ZNRF2: variants seen among roughly 807,000 people sequenced by gnomAD.
ZNRF2 encodes E3 ubiquitin-protein ligase ZNRF2.
Under a neutral mutation model 20.4 loss-of-function variants are expected in ZNRF2, and 16 were observed. That is an observed-to-expected ratio of 0.79 (90% confidence interval 0.53 to 1.19). ZNRF2 has a LOEUF of 1.19. Ranked by LOEUF, ZNRF2 falls within the 50% of genes most tolerant of loss-of-function variation. The probability of loss-of-function intolerance (pLI) is 0.00; values close to 1 mark genes in which losing one functional copy is unlikely to be tolerated. For missense variants in ZNRF2, 363 were observed against 332.4 expected (o/e 1.09, Z -0.72); for synonymous variants, 178 against 144.9 (o/e 1.23, Z -1.64).
intron 1 of ZNRF2, among the ~76,000 whole-genome samples, chr7:30,290,064 T>C (rs558109044): frequency 7.4e-4 from 113 of 152,326 alleles, no homozygotes; most frequent in African/African-American, 2.5e-3. Flanking sequence ...ATTGGGTATA[T>C]TGGCAAATGT....
intron 1 of ZNRF2, among the ~76,000 whole-genome samples, chr7:30,322,595 C>T (rs944371726): frequency 6.6e-6 from 1 of 152,030 alleles, no homozygotes; most frequent in South Asian, 2.1e-4. Context: ...CTTTTACTTA[C>T]TTTTGACCTT....
intron 1 of ZNRF2, among the ~76,000 whole-genome samples, chr7:30,313,746 A>G (rs1249763741): frequency 1.3e-5 from 2 of 151,972 alleles, no homozygotes; most frequent in Admixed American, 6.6e-5. Flanking sequence ...AGTGAAGAAT[A>G]AAAAACTACT....
intron 2 of ZNRF2, among the ~76,000 whole-genome samples, chr7:30,347,167 C>T (rs1799891745): frequency 6.6e-6 from 1 of 152,106 alleles, no homozygotes; most frequent in Non-Finnish European, 1.5e-5. Flanking sequence ...TGATCTTTCT[C>T]AGTTATATAA....
intron 1 of ZNRF2, among the ~76,000 whole-genome samples, chr7:30,298,405 A>G (rs1347934965): frequency 3.3e-5 from 5 of 152,208 alleles, no homozygotes; most frequent in African/African-American, 7.2e-5. Flanking sequence ...AGTGGGGGGC[A>G]CTAAAAAGCA....
intron 1 of ZNRF2, among the ~76,000 whole-genome samples, chr7:30,322,729 C>A (rs1799492314): frequency 6.6e-6 from 1 of 151,934 alleles, no homozygotes; most frequent in Non-Finnish European, 1.5e-5. Flanking sequence ...TTGTGCCTAG[C>A]CAAACTATAA....
chr7:30,299,776 C>CTTTTT (rs34591785), intron 1 of ZNRF2, among the ~76,000 whole-genome samples: 2 of 123,324 alleles, frequency 1.6e-5, no homozygotes, highest in South Asian at 2.5e-4. Context: ...CTAAAACCTG[C>CTTTTT]TTTTTTTTTT....
At chr7:30,314,384 G>C (rs1474449589) in intron 1 of ZNRF2, among the ~76,000 whole-genome samples, 1 of 152,090 alleles carries the variant, frequency 6.6e-6, no homozygotes, top group African/African-American at 2.4e-5. Context: ...CTCTGTCAGT[G>C]GTGGCCCACT....
At chr7:30,353,809 A>T (rs1183774243) in intron 2 of ZNRF2, among the ~76,000 whole-genome samples, 1 of 152,078 alleles carries the variant, frequency 6.6e-6, no homozygotes. Flanking sequence ...TTTAGGTTTG[A>T]TAAAAAGTGG....
chr7:30,296,394 A>G lies in ZNRF2; in HGVS notation c.469+10568A>G, dbSNP rs1273054238. Among the ~76,000 whole-genome samples, 5 of 152,180 alleles carry G rather than the reference A, an allele frequency of 3.3e-5. No homozygotes were observed. The South Asian group carries it at 6.2e-4, about 19-fold the overall frequency. On this transcript the variant is annotated intron_variant, in intron 1 of 4. Transcript: ENST00000323037. ...TGGGCGGTTGGAGATGGTTGGAAGG[A>G]TGGTTGATAAGGTAGGTCAGTGTTT...
chr7:30,320,803 A>G (rs1431305778), intron 1 of ZNRF2, among the ~76,000 whole-genome samples: 3 of 152,152 alleles, frequency 2.0e-5, no homozygotes, highest in Non-Finnish European at 4.4e-5. Context: ...AATATTTTAA[A>G]TTCATTATTT....
intron 1 of ZNRF2, among the ~76,000 whole-genome samples, chr7:30,316,377 T>G (rs1799377738): frequency 7.1e-6 from 1 of 140,620 alleles, no homozygotes; most frequent in African/African-American, 2.6e-5. Context: ...GTGGACTGAA[T>G]ATATGGTCCT....
Position 30,285,815 on chromosome 7 carries a change from A to C in ZNRF2, c.458A>C (p.His153Pro), listed in dbSNP as rs966347232. The C allele has an allele frequency of 9.2e-6, 14 of 1,521,846 alleles. No individual in the cohort carries two copies. The highest frequency in any genetic ancestry group is 1.2e-5 in the Non-Finnish European group (14 of 1,143,190). 94.3% of individuals were successfully genotyped at this position (1,521,846 alleles called of 1,614,324 possible). A position where few individuals can be genotyped will look rare whatever the true frequency, so the allele number is the denominator to read the frequency against. Residue 153 changes from histidine (H) to proline (P), a missense_variant, in exon 1 of 5, where the codon CAC (histidine) becomes CCC (proline). Physicochemically the swap from His to Pro is moderately conservative, Grantham distance 77. Transcript: ENST00000323037. The stretch of plus-strand genomic sequence containing the variant: ...TCCTTACCAGCTCACCTCTCGCCGC[A>C]CATGTTTGGAGGTACGGACCCCTCT... ...IGSLPAHLSP[H>P]MFGGFKCPVC... is the part of the protein sequence containing the mutation.
At chr7:30,336,280 G>C (rs1484121442) in intron 2 of ZNRF2, among the ~76,000 whole-genome samples, 2 of 152,166 alleles carry the variant, frequency 1.3e-5, no homozygotes, top group African/African-American at 4.8e-5. Flanking sequence ...ATTATCCGTA[G>C]CACTGCCTTG....
chr7:30,304,714 TA>T (rs1167428476), intron 1 of ZNRF2, among the ~76,000 whole-genome samples: 2 of 152,196 alleles, frequency 1.3e-5, no homozygotes, highest in Admixed American at 6.5e-5. Flanking sequence ...ACTTAAGGGA[TA>T]TTCATCATAT....
intron 1 of ZNRF2, among the ~76,000 whole-genome samples, chr7:30,309,232 T>G (rs1000334819): frequency 2.0e-5 from 3 of 152,306 alleles, no homozygotes; most frequent in Admixed American, 2.0e-4. Flanking sequence ...ACTTTGAACA[T>G]TCTCTGAACT....
chr7:30,297,052 G>C (rs1047380932), intron 1 of ZNRF2, among the ~76,000 whole-genome samples: 1 of 152,164 alleles, frequency 6.6e-6, no homozygotes, highest in African/African-American at 2.4e-5. Flanking sequence ...TAATAATTCA[G>C]AGTCCTTTTC....
intron 2 of ZNRF2, among the ~76,000 whole-genome samples, chr7:30,350,563 A>G (rs933364680): frequency 3.9e-5 from 6 of 152,036 alleles, no homozygotes; most frequent in African/African-American, 1.2e-4. Context: ...TTCTAAGCCT[A>G]TTTATATTTG....
intron 2 of ZNRF2, among the ~76,000 whole-genome samples, chr7:30,333,425 AGTG>A (rs1799668979): frequency 6.8e-6 from 1 of 147,738 alleles, no homozygotes; most frequent in African/African-American, 2.5e-5. Flanking sequence ...GCTGGAGTGC[AGTG>A]GCGCCATCTC....
intron 1 of ZNRF2, among the ~76,000 whole-genome samples, chr7:30,300,052 G>A (rs544569363): frequency 1.3e-5 from 2 of 151,954 alleles, no homozygotes; most frequent in African/African-American, 4.8e-5. Flanking sequence ...CCAAAGTGCA[G>A]GGATTACAGG....
Sources: gnomAD v4.1 joint callset for allele counts (sites outside exome capture counted in the v4.1 genomes callset) on GRCh38, gnomAD v4.1.1 for gene constraint, MANE v1.5 for transcripts, NCBI Gene and HGNC (gene_info 2026-07-23, HGNC 2026-07-21) for gene names.